SPMIP3: variants seen among roughly 807,000 people sequenced by gnomAD.
SPMIP3 encodes the protein protein SPMIP3.
chr1:244,364,340 C>G, the SPMIP3 span, among the ~76,000 whole-genome samples: 8 of 152,052 alleles, frequency 5.3e-5, no homozygotes, highest in Non-Finnish European at 8.8e-5. Flanking sequence ...CTCCTGACCT[C>G]GTGATCCTCC....
the SPMIP3 span, among the ~76,000 whole-genome samples, chr1:244,386,212 T>C: frequency 2.0e-5 from 3 of 152,126 alleles, no homozygotes; most frequent in Middle Eastern, 3.2e-3. Flanking sequence ...TAAAGAGTGA[T>C]ATTATATTAA....
the SPMIP3 span, among the ~76,000 whole-genome samples, chr1:244,365,819 C>A: frequency 6.6e-6 from 1 of 152,128 alleles, no homozygotes; most frequent in Non-Finnish European, 1.5e-5. Flanking sequence ...GCAATCCAAG[C>A]CCACATTTTG....
the SPMIP3 span, among the ~76,000 whole-genome samples, chr1:244,384,606 C>T: frequency 3.3e-5 from 5 of 152,126 alleles, no homozygotes; most frequent in African/African-American, 4.8e-5. Context: ...CCGTGTGGGG[C>T]GGCAAAGTGG....
the SPMIP3 span, among the ~76,000 whole-genome samples, chr1:244,367,023 C>A: frequency 2.0e-5 from 3 of 152,136 alleles, no homozygotes; most frequent in African/African-American, 7.2e-5. Context: ...GTTCAGGGAA[C>A]AGCTCTCTCA....
chr1:244,385,901 C>A, the SPMIP3 span, among the ~76,000 whole-genome samples: 5 of 152,036 alleles, frequency 3.3e-5, no homozygotes, highest in Admixed American at 2.6e-4. Context: ...CGGTGGCTCA[C>A]ACCTGTAATC....
At chr1:244,360,905 T>G in the SPMIP3 span, among the ~76,000 whole-genome samples, 1 of 143,264 alleles carries the variant, frequency 7.0e-6, no homozygotes, top group South Asian at 2.3e-4. Context: ...AAGCATTAAA[T>G]CCTGTCATTT....
the SPMIP3 span, among the ~76,000 whole-genome samples, chr1:244,361,196 G>T: frequency 1.4e-5 from 2 of 148,106 alleles, no homozygotes; most frequent in Non-Finnish European, 3.0e-5. Context: ...GGTGACTATT[G>T]TCTATAATTT....
chr1:244,368,663 A>G, the SPMIP3 span, among the ~76,000 whole-genome samples: 1 of 152,136 alleles, frequency 6.6e-6, no homozygotes, highest in Non-Finnish European at 1.5e-5. Flanking sequence ...AAGTTATCCA[A>G]TCGTTTATGT....
At chr1:244,369,152 C>A in the SPMIP3 span, among the ~76,000 whole-genome samples, 5 of 151,978 alleles carry the variant, frequency 3.3e-5, no homozygotes, top group South Asian at 1.0e-3. Context: ...GAGCCAGACT[C>A]CGTCTCAAAA....
chr1:244,365,735 A>T, the SPMIP3 span, among the ~76,000 whole-genome samples: 1 of 152,178 alleles, frequency 6.6e-6, no homozygotes, highest in Non-Finnish European at 1.5e-5. Context: ...CCAAGCAAAC[A>T]GGCAACTCCA....
chr1:244,378,756 G>T, the SPMIP3 span: 3 of 1,122,726 alleles, frequency 2.7e-6, no homozygotes, highest in Non-Finnish European at 3.8e-6. Flanking sequence ...CGAGTTGGAG[G>T]CATGGATATG....
the SPMIP3 span, among the ~76,000 whole-genome samples, chr1:244,371,157 T>C: frequency 6.6e-6 from 1 of 152,116 alleles, no homozygotes. Flanking sequence ...ACAGGTTTGC[T>C]CTCATGTGGA....
At chr1:244,385,510 C>G in the SPMIP3 span, among the ~76,000 whole-genome samples, 5 of 152,122 alleles carry the variant, frequency 3.3e-5, no homozygotes, top group African/African-American at 1.2e-4. Context: ...GTATTACTCA[C>G]CCTGGTGCCA....
chr1:244,364,625 T>A, the SPMIP3 span: 4 of 1,367,792 alleles, frequency 2.9e-6, no homozygotes, highest in African/African-American at 4.3e-5. Context: ...GTACTAGATA[T>A]CTCACCCATG....
the SPMIP3 span, among the ~76,000 whole-genome samples, chr1:244,355,756 A>G: frequency 6.6e-6 from 1 of 152,248 alleles, no homozygotes; most frequent in African/African-American, 2.4e-5. Context: ...AAGATAAAGC[A>G]GATCAATGTG....
At chr1:244,365,348 T>C in the SPMIP3 span, among the ~76,000 whole-genome samples, 1 of 152,072 alleles carries the variant, frequency 6.6e-6, no homozygotes, top group Non-Finnish European at 1.5e-5. Flanking sequence ...AACTGAACCA[T>C]GGGGTGGGGT....
At chr1:244,364,567 C>A in the SPMIP3 span, 1 of 831,696 alleles carries the variant, frequency 1.2e-6, no homozygotes. Context: ...CATAGTCCTT[C>A]TACCATGTCA....
At chr1:244,381,895 C>A in the SPMIP3 span, among the ~76,000 whole-genome samples, 3 of 152,208 alleles carry the variant, frequency 2.0e-5, no homozygotes, top group Admixed American at 1.3e-4. Flanking sequence ...CATGCCACTG[C>A]GCATGACAGT....
chr1:244,354,975 C>T, the SPMIP3 span, among the ~76,000 whole-genome samples: 1 of 152,302 alleles, frequency 6.6e-6, no homozygotes, highest in Non-Finnish European at 1.5e-5. Context: ...ATCTCCTCTA[C>T]CAGACTGTAA....
Sources: allele counts gnomAD v4.1 joint callset (sites outside exome capture counted in the v4.1 genomes callset), GRCh38; gene constraint gnomAD v4.1.1; transcripts MANE v1.5; gene names NCBI Gene and HGNC (gene_info 2026-07-23, HGNC 2026-07-21).